OPA3: variants seen among roughly 807,000 people sequenced by gnomAD.
OPA3 encodes the protein optic atrophy 3 protein.
OPA3 carries 6 observed loss-of-function variants against 4.0 expected under a neutral mutation model. That is an observed-to-expected ratio of 1.51 (90% confidence interval 0.83 to 2.99). The LOEUF is 2.99. Ranked by LOEUF, OPA3 falls within the 30% of genes most tolerant of loss-of-function variation. The probability of loss-of-function intolerance (pLI) is 0.00; values close to 1 mark genes in which losing one functional copy is unlikely to be tolerated. For missense variants in OPA3, 235 were observed against 256.2 expected (o/e 0.92, Z 0.56); for synonymous variants, 105 against 117.1 (o/e 0.90, Z 0.67).
chr19:45,567,108 G>A (rs928963364), intron 1 of OPA3, among the ~76,000 whole-genome samples: 1 of 152,054 alleles, frequency 6.6e-6, no homozygotes, highest in Non-Finnish European at 1.5e-5. Context: ...GGGAGGCCAA[G>A]CGGTGAGGAT....
intron 1 of OPA3, among the ~76,000 whole-genome samples, chr19:45,573,974 C>T (rs891964121): frequency 6.6e-6 from 1 of 151,756 alleles, no homozygotes; most frequent in Non-Finnish European, 1.5e-5. Flanking sequence ...ACCAGCCTGA[C>T]CAACATGGTG....
downstream of OPA3, among the ~76,000 whole-genome samples, chr19:45,545,179 C>CAA (rs796765113): frequency 3.1e-4 from 39 of 124,922 alleles, 2 homozygotes; most frequent in East Asian, 8.1e-3. Context: ...AAAAAAAAAA[C>CAA]AAAAAAACAA....
At chr19:45,565,202 C>T (rs1441138373) in intron 1 of OPA3, among the ~76,000 whole-genome samples, 1 of 151,966 alleles carries the variant, frequency 6.6e-6, no homozygotes, top group African/African-American at 2.4e-5. Context: ...CCACTGCACT[C>T]CAGCCTGGTG....
In OPA3 at chr19:45,548,119, A is replaced by G; in HGVS notation, c.*5395T>C. The G allele has an allele frequency of 1.0e-6, 1 of 985,168 alleles. No individual in the cohort carries two copies. The highest frequency in any genetic ancestry group is 1.2e-6 in the Non-Finnish European group (1 of 829,900). 61.0% of individuals were successfully genotyped at this position (985,168 alleles called of 1,614,324 possible). On this transcript the variant is annotated 3_prime_UTR_variant, in exon 2 of 2. Transcript: ENST00000263275. ...GCCTGGTGCAGTTGATCCTCAGTAC[A>G]CTCAGAGTTGCCATGCTTCTCCTCT...
intron 1 of OPA3, among the ~76,000 whole-genome samples, chr19:45,537,777 G>C (rs564245345): frequency 1.3e-5 from 2 of 152,030 alleles, no homozygotes; most frequent in Non-Finnish European, 2.9e-5. Context: ...AGCAGGGAGG[G>C]AGAATGACGA....
intron 1 of OPA3, among the ~76,000 whole-genome samples, chr19:45,557,150 T>C (rs1969433007): frequency 6.6e-6 from 1 of 152,172 alleles, no homozygotes; most frequent in South Asian, 2.1e-4. Flanking sequence ...GAAATGCAAG[T>C]GTCTCAGTGC....
At chr19:45,571,629 A>G (rs1384426770) in intron 1 of OPA3, among the ~76,000 whole-genome samples, 1 of 152,164 alleles carries the variant, frequency 6.6e-6, no homozygotes, top group Non-Finnish European at 1.5e-5. Flanking sequence ...AAACTCCAGC[A>G]AAGTGATTTT....
intron 1 of OPA3, among the ~76,000 whole-genome samples, chr19:45,530,927 CTTTTTT>C (rs71173176): frequency 2.4e-3 from 84 of 35,390 alleles, no homozygotes; most frequent in African/African-American, 8.1e-3. Context: ...ATGTCACCTA[CTTTTTT>C]TTTTTTTTTT....
intron 1 of OPA3, among the ~76,000 whole-genome samples, chr19:45,530,785 A>AG (rs1491238985): frequency 2.0e-5 from 3 of 151,156 alleles, no homozygotes; most frequent in Non-Finnish European, 4.4e-5. Flanking sequence ...TTTTCGAGAC[A>AG]GAGTCTCGGT....
At position 45,584,788 on chromosome 19, in the gene OPA3, G is replaced by A. The variant is rs750059099; in HGVS notation, c.-24C>T. The A allele has an allele frequency of 1.2e-6, 2 of 1,612,442 alleles. No homozygotes were observed. The highest frequency in any genetic ancestry group is 2.2e-5 in the East Asian group (1 of 44,892). On this transcript the variant is annotated 5_prime_UTR_variant, in exon 1 of 2. Transcript: ENST00000263275. Reference sequence around the variant, plus strand: ...ATCTTGGCGGTCTCACAGGGCACGCGCAACCTTGCTGACTGGGCGGGGCGC... The same window carrying A: ...ATCTTGGCGGTCTCACAGGGCACGCACAACCTTGCTGACTGGGCGGGGCGC...
At chr19:45,564,559 C>T (rs888563147) in intron 1 of OPA3, among the ~76,000 whole-genome samples, 1 of 152,172 alleles carries the variant, frequency 6.6e-6, no homozygotes, top group African/African-American at 2.4e-5. Flanking sequence ...CCTTGAACTC[C>T]AGTAACCCTG....
downstream of OPA3, among the ~76,000 whole-genome samples, chr19:45,543,478 G>A (rs1054795854): frequency 2.0e-5 from 3 of 151,722 alleles, no homozygotes; most frequent in Middle Eastern, 3.2e-3. Context: ...ACGCCACCAC[G>A]CCTAATTTTT....
chr19:45,570,457 C>T (rs1454399176), intron 1 of OPA3, among the ~76,000 whole-genome samples: 1 of 151,958 alleles, frequency 6.6e-6, no homozygotes. Context: ...CTGAGGTGGG[C>T]AGATCACCTG....
exon 2 of OPA3, chr19:45,529,312 C>T: frequency 6.2e-7 from 1 of 1,614,200 alleles, no homozygotes; most frequent in Non-Finnish European, 8.5e-7. Context: ...CAGCATCAGG[C>T]AGCTGCAGGC....
At chr19:45,564,057 G>C (rs1322942730) in intron 1 of OPA3, among the ~76,000 whole-genome samples, 1 of 150,844 alleles carries the variant, frequency 6.6e-6, no homozygotes, top group African/African-American at 2.4e-5. Flanking sequence ...GATTCCACAG[G>C]TTAAGCCTAT....
rs1324527540 is a variant in OPA3, at chr19:45,553,742, G to A, written c.312C>T (p.His104=). 1 of 1,611,574 alleles carries A rather than the reference G, an allele frequency of 6.2e-7. No individual in the cohort carries two copies. Among genetic ancestry groups the A allele is most frequent in the Non-Finnish European group, 8.5e-7 (1 of 1,179,714 alleles). ...CCTCCTTGTGGCGCTGCTGCGCCTGGTGGCGCCAGTACTCCAGCACTAGGC... is the reference window on the plus strand; with the variant it reads ...CCTCCTTGTGGCGCTGCTGCGCCTGATGGCGCCAGTACTCCAGCACTAGGC... ...GGCLVLEYWR[H]QAQQRHKEEE... The change falls in exon 2 of 2, where the codon CAC becomes CAT. Residue 104 remains histidine, a synonymous_variant. Coordinates refer to ENST00000263275, the MANE Select transcript of OPA3 (RefSeq NM_025136.4).
rs866576378 is a variant in OPA3, at chr19:45,549,231, G to A, written c.*4283C>T. On this transcript the variant is annotated 3_prime_UTR_variant, in exon 2 of 2. Transcript: ENST00000263275. ...CAGAATTCTAGCTAGCAGAACACAC[G>A]AGCAGTGAACCATCCTCTGGCCTCT... is the stretch of plus-strand genomic sequence containing the variant. 9.1e-6 allele frequency: 9 copies of A among 985,270 alleles called. No individual in the cohort carries two copies. Among genetic ancestry groups the A allele is most frequent in the East Asian group, 1.1e-4 (1 of 8,826 alleles). The allele number at this position is 985,270 out of a possible 1,614,324, so 61.0% of individuals were successfully genotyped here.
At chr19:45,567,194 G>T (rs1969595346) in intron 1 of OPA3, among the ~76,000 whole-genome samples, 1 of 151,878 alleles carries the variant, frequency 6.6e-6, no homozygotes, top group Non-Finnish European at 1.5e-5. Flanking sequence ...AAATAAATTA[G>T]CCGGGCATGG....
chr19:45,571,192 G>A (rs1299243902), intron 1 of OPA3, among the ~76,000 whole-genome samples: 1 of 151,900 alleles, frequency 6.6e-6, no homozygotes, highest in African/African-American at 2.4e-5. Context: ...CGCCCAGGCT[G>A]GAGTGCAATG....
Sources: allele counts gnomAD v4.1 joint callset (sites outside exome capture counted in the v4.1 genomes callset), GRCh38; gene constraint gnomAD v4.1.1; transcripts MANE v1.5; gene names NCBI Gene and HGNC (gene_info 2026-07-23, HGNC 2026-07-21).